CPXM2: variants seen among roughly 807,000 people sequenced by gnomAD.
The protein encoded by CPXM2 is inactive carboxypeptidase-like protein X2.
A neutral mutation model predicts 86.1 loss-of-function variants in CPXM2; 66 were observed. The observed-to-expected ratio is 0.77, with a 90% confidence interval of 0.63 to 0.94. The LOEUF is 0.94. Ranked by LOEUF, CPXM2 falls within the 40% of genes least tolerant of loss-of-function variation. The probability of loss-of-function intolerance (pLI) is 0.00; values close to 1 mark genes in which losing one functional copy is unlikely to be tolerated. For missense variants in CPXM2, 948 were observed against 1,026.3 expected (o/e 0.92, Z 1.04); for synonymous variants, 388 against 400.2 (o/e 0.97, Z 0.36).
intron 2 of CPXM2, among the ~76,000 whole-genome samples, chr10:123,936,434 A>G (rs1945721283): frequency 6.6e-6 from 1 of 152,214 alleles, no homozygotes; most frequent in African/African-American, 2.4e-5. Flanking sequence ...TTCCTACGGC[A>G]TGGGTGGATT....
chr10:123,747,281 G>T (rs767972416), intron 13 of CPXM2, among the ~76,000 whole-genome samples: 1 of 152,182 alleles, frequency 6.6e-6, no homozygotes, highest in East Asian at 1.9e-4. Context: ...CTGGAGAGCC[G>T]ATCACTAATG....
At chr10:123,806,241 T>G (rs1348494079) in intron 4 of CPXM2, among the ~76,000 whole-genome samples, 1 of 152,194 alleles carries the variant, frequency 6.6e-6, no homozygotes, top group Non-Finnish European at 1.5e-5. Context: ...ATATTTTTGT[T>G]GGGAATTCTA....
intron 3 of CPXM2, among the ~76,000 whole-genome samples, chr10:123,845,336 C>G (rs993782999): frequency 1.3e-5 from 2 of 151,064 alleles, no homozygotes; most frequent in African/African-American, 4.9e-5. Flanking sequence ...AAAAAAAATG[C>G]AAACTATAAT....
At chr10:123,761,826 C>A (rs368055115) in intron 11 of CPXM2, 46 bp downstream of exon 11, 112 of 1,561,044 alleles carry the variant, frequency 7.2e-5, no homozygotes, top group Non-Finnish European at 9.2e-5. Context: ...ACCCCTGCAG[C>A]GTCCTCCTGC....
At chr10:123,782,323 T>C (rs1358063626) in intron 6 of CPXM2, among the ~76,000 whole-genome samples, 1 of 152,190 alleles carries the variant, frequency 6.6e-6, no homozygotes, top group East Asian at 1.9e-4. Flanking sequence ...CTCGGGGGCG[T>C]CTTTTCAAAG....
intron 2 of CPXM2, among the ~76,000 whole-genome samples, chr10:123,928,407 A>T (rs932185255): frequency 1.3e-5 from 2 of 152,240 alleles, no homozygotes; most frequent in South Asian, 4.1e-4. Context: ...ATTATGTCTC[A>T]ACAAAGCAGA....
chr10:123,794,734 CGT>C (rs142855432), intron 6 of CPXM2, among the ~76,000 whole-genome samples: 17,209 of 140,872 alleles, frequency 0.12, 1,118 homozygotes, highest in East Asian at 0.23. Context: ...TATTTAAGAC[CGT>C]GTGTGTGTGT....
intron 2 of CPXM2, among the ~76,000 whole-genome samples, chr10:123,867,769 G>A (rs113660858): frequency 0.011 from 1,730 of 152,206 alleles, 32 homozygotes; most frequent in African/African-American, 0.039. Context: ...CTGACCTCAG[G>A]TGATCTGCCC....
Position 123,891,586 on chromosome 10 carries a change from G to C in CPXM2, c.74C>G (p.Ala25Gly). The C allele has an allele frequency of 6.5e-7, 1 of 1,533,298 alleles. No homozygotes were observed. Among genetic ancestry groups the C allele is most frequent in the Non-Finnish European group, 8.8e-7 (1 of 1,139,076 alleles). The allele number at this position is 1,533,298 out of a possible 1,614,324, so 95.0% of individuals were successfully genotyped here. A position where few individuals can be genotyped will look rare whatever the true frequency, so the allele number is the denominator to read the frequency against. The change falls in exon 1 of 14, where the codon GCC becomes GGC. Residue 25 changes from alanine to glycine, a missense_variant. Physicochemically the swap from Ala to Gly is moderately conservative, Grantham distance 60. Transcript: ENST00000241305. The surrounding 1 kb of genome is among the most constrained non-coding windows in gnomAD (Gnocchi z 5.6). ...AGGGTCCTCGAGGGCTGCGCCCTGG[G>C]CTCCGACCCCGGCCAGGGTCACTGC... ...LLAVTLAGVG[A>G]QGAALEDPDY...
rs762600262 is a variant in CPXM2, at chr10:123,746,805, G to A, written c.2230C>T (p.Arg744Trp). Residue 744 changes from arginine (R) to tryptophan (W), a missense_variant, in exon 14 of 14, where the codon CGG (arginine) becomes TGG (tryptophan). Physicochemically the swap from Arg to Trp is moderately radical, Grantham distance 101. Transcript: ENST00000241305. ...CTCTTCTGCCCCCGCAGCTTCAGCC[G>A]CCTGGCTGGCAGGCTGACGGGCTGC... ...GKQPVSLPAR[R>W]LKLRGQKRRQ... 37 of 1,614,160 alleles carry A rather than the reference G, an allele frequency of 2.3e-5. No homozygotes were observed. Among genetic ancestry groups the A allele is most frequent in the East Asian group, 1.1e-4 (5 of 44,880 alleles).
chr10:123,759,344 A>G (rs948405073), intron 11 of CPXM2, among the ~76,000 whole-genome samples: 1 of 152,218 alleles, frequency 6.6e-6, no homozygotes, highest in Non-Finnish European at 1.5e-5. Flanking sequence ...CGTCCTCATT[A>G]GCACTGAAAT....
intron 4 of CPXM2, among the ~76,000 whole-genome samples, chr10:123,821,448 A>T (rs1034768708): frequency 6.6e-6 from 1 of 152,240 alleles, no homozygotes; most frequent in Non-Finnish European, 1.5e-5. Context: ...AGGTCATAGG[A>T]TCGGCCACTG....
chr10:123,842,036 G>A (rs970632259), intron 4 of CPXM2, among the ~76,000 whole-genome samples: 44 of 152,210 alleles, frequency 2.9e-4, no homozygotes, highest in African/African-American at 1.0e-3. Flanking sequence ...CACCAGTCAA[G>A]ACACTAATAT....
At chr10:123,882,961 A>C (rs534950113) in intron 1 of CPXM2, among the ~76,000 whole-genome samples, 1 of 144,100 alleles carries the variant, frequency 6.9e-6, no homozygotes, top group East Asian at 2.1e-4. Context: ...CCCCGCAACC[A>C]TAATACCATG....
rs181693516 is a variant in CPXM2, at chr10:123,865,785, G to A, written c.404-3062C>T. On this transcript the variant is annotated intron_variant, in intron 2 of 13. Coordinates refer to ENST00000241305, the MANE Select transcript of CPXM2 (RefSeq NM_198148.3). This position sits in a 1 kb window ranked among gnomAD's most constrained non-coding sequence, Gnocchi z 4.7. Reference sequence around the variant, plus strand: ...AGGCTCGCCCAGCTTCTGAGTTATGGGTTCTTCCAACTGCCTCCTCCTGGC... The same window carrying A: ...AGGCTCGCCCAGCTTCTGAGTTATGAGTTCTTCCAACTGCCTCCTCCTGGC... 2.6e-5 allele frequency among the ~76,000 whole-genome samples: 4 copies of A among 152,248 alleles called. No homozygotes were observed. The highest frequency in any genetic ancestry group is 3.9e-4 in the East Asian group (2 of 5,172).
intron 2 of CPXM2, among the ~76,000 whole-genome samples, chr10:123,908,325 C>T (rs1188505468): frequency 6.6e-6 from 1 of 152,148 alleles, no homozygotes; most frequent in African/African-American, 2.4e-5. Context: ...CCAAAGGCTA[C>T]AGCTTGAGCA....
At chr10:123,843,698 C>T (rs1848435705) in intron 3 of CPXM2, among the ~76,000 whole-genome samples, 1 of 152,090 alleles carries the variant, frequency 6.6e-6, no homozygotes, top group African/African-American at 2.4e-5. Flanking sequence ...ACTAAGAGTC[C>T]AGCTATAGGC....
intron 11 of CPXM2, among the ~76,000 whole-genome samples, chr10:123,757,948 G>T (rs1357221029): frequency 6.6e-6 from 1 of 152,098 alleles, no homozygotes. Context: ...GGTTGAGAAG[G>T]GGAAGAATAG....
At chr10:123,846,640 T>C (rs957724278) in intron 3 of CPXM2, among the ~76,000 whole-genome samples, 11 of 152,164 alleles carry the variant, frequency 7.2e-5, no homozygotes, top group African/African-American at 2.4e-4. Context: ...CAGAGAGGAA[T>C]ATATCAGACC....
Sources: allele counts gnomAD v4.1 joint callset (sites outside exome capture counted in the v4.1 genomes callset), GRCh38; gene constraint gnomAD v4.1.1; non-coding constraint Gnocchi (gnomAD v3.1); transcripts MANE v1.5; gene names NCBI Gene and HGNC (gene_info 2026-07-23, HGNC 2026-07-21).